Variants in OR8B3 observed in about 807,000 individuals in gnomAD.
OR8B3 encodes the protein olfactory receptor family 8 subfamily B member 3, also known as olfactory receptor 8B3.
For synonymous variants in OR8B3, 102 were observed against 135.4 expected (o/e 0.75, Z 1.71); for missense variants, 278 against 377.6 (o/e 0.74, Z 2.19).
upstream of OR8B3, among the ~76,000 whole-genome samples, chr11:124,401,093 T>G (rs989028099): frequency 3.9e-5 from 6 of 152,140 alleles, no homozygotes; most frequent in Non-Finnish European, 7.4e-5. Flanking sequence ...AGAGAATACC[T>G]AAGACTGGGT....
chr11:124,408,481 T>A, the OR8B3 span, among the ~76,000 whole-genome samples: 2 of 152,232 alleles, frequency 1.3e-5, no homozygotes, highest in Non-Finnish European at 2.9e-5. Flanking sequence ...AAGTGGCTCT[T>A]TCCATGGCTG....
upstream of OR8B3, among the ~76,000 whole-genome samples, chr11:124,402,472 G>C (rs1461575421): frequency 8.5e-5 from 13 of 152,302 alleles, no homozygotes; most frequent in East Asian, 2.3e-3. Flanking sequence ...TTGATTCACA[G>C]CAGAGCCAGG....
the OR8B3 span, among the ~76,000 whole-genome samples, chr11:124,406,142 T>C: frequency 6.6e-6 from 1 of 152,242 alleles, no homozygotes; most frequent in South Asian, 2.1e-4. Context: ...AAGATATTTG[T>C]AGCAAAGTAG....
chr11:124,399,593 G>T (rs1480233128), upstream of OR8B3, among the ~76,000 whole-genome samples: 1 of 152,068 alleles, frequency 6.6e-6, no homozygotes. Context: ...TTGTGAGAAG[G>T]CATCTATTTT....
the OR8B3 span, among the ~76,000 whole-genome samples, chr11:124,407,871 C>T: frequency 1.3e-5 from 2 of 152,130 alleles, no homozygotes; most frequent in African/African-American, 2.4e-5. Flanking sequence ...ATTAAATCTA[C>T]AGATCTAATA....
Position 124,397,066 on chromosome 11 carries a change from C to G in OR8B3, c.286G>C (p.Gly96Arg). ...VSKKNIISYV[G>R]CMTQLFFFLF... ...AAGAAAAACAGCTGAGTCATGCACC[C>G]AACATAGGAGATAATATTCTTTTTT... Residue 96 changes from glycine to arginine, a missense_variant, in exon 2 of 2, where the codon GGG becomes CGG. By Grantham distance (125) the Gly-to-Arg change is moderately radical (BLOSUM62 -2). Coordinates refer to ENST00000641139, the MANE Select transcript of OR8B3 (RefSeq NM_001005467.2). 4 of 1,613,836 alleles carry G rather than the reference C, an allele frequency of 2.5e-6. No individual in the cohort carries two copies. Among genetic ancestry groups the G allele is most frequent in the Non-Finnish European group, 2.5e-6 (3 of 1,179,862 alleles).
rs78383892 is a variant in OR8B3 at position 124,396,135 on chromosome 11, C to G, written c.*275G>C. ...TTTACCATATATGTCCAATTAAGAA[C>G]AGCCCAGGAGAGAGGAAGGATATAA... On this transcript the variant is annotated 3_prime_UTR_variant, in exon 2 of 2. Transcript: ENST00000641139. 326 of 280,374 alleles carry G rather than the reference C, an allele frequency of 1.2e-3. 2 individuals are homozygous for G. The highest frequency in any genetic ancestry group is 1.8e-3 in the Non-Finnish European group (279 of 151,592). 17.4% of individuals were successfully genotyped at this position (280,374 alleles called of 1,614,324 possible).
At chr11:124,404,285 A>G in the OR8B3 span, 1 of 152,336 alleles carries the variant, frequency 6.6e-6, no homozygotes, top group African/African-American at 2.4e-5. Flanking sequence ...TCTTCTGACA[A>G]AGATAAAAAT....
At chr11:124,405,312 C>T in the OR8B3 span, among the ~76,000 whole-genome samples, 1 of 152,006 alleles carries the variant, frequency 6.6e-6, no homozygotes, top group Admixed American at 6.5e-5. Flanking sequence ...TCTCTCCCTC[C>T]CCCAAGTCAG....
At chr11:124,399,764 C>T (rs75565645), upstream of OR8B3, among the ~76,000 whole-genome samples, 3,154 of 152,208 alleles carry the variant, frequency 0.021, 129 homozygotes, top group African/African-American at 0.072. Context: ...ATAATGTTAA[C>T]GAAACTACAG....
rs755018306 is a variant in OR8B3, at chr11:124,396,372, A to G, written c.*38T>C. On this transcript the variant is annotated 3_prime_UTR_variant, in exon 2 of 2. Coordinates refer to ENST00000641139, the MANE Select transcript of OR8B3 (RefSeq NM_001005467.2). ...TCATGGAACACACTAATAAAAATTT[A>G]AAGTTCTTCAATCGTTTTACATTAT... 2.6e-6 allele frequency: 4 copies of G among 1,529,688 alleles called. No homozygotes were observed. The highest frequency in any genetic ancestry group is 3.5e-6 in the Non-Finnish European group (4 of 1,136,300). 94.8% of individuals were successfully genotyped at this position (1,529,688 alleles called of 1,614,324 possible).
At position 124,397,194 on chromosome 11, in the gene OR8B3, G is replaced by C. The variant is rs1217133299; in HGVS notation, c.158C>G (p.Ser53Cys). The C allele has an allele frequency of 6.2e-7, 1 of 1,611,534 alleles. No individual in the cohort carries two copies. Among genetic ancestry groups the C allele is most frequent in the African/African-American group, 1.4e-5 (1 of 73,198 alleles). Residue 53 changes from serine to cysteine, a missense_variant, in exon 2 of 2, where the codon TCT becomes TGT. By Grantham distance (112) the Ser-to-Cys change is moderately radical (BLOSUM62 -1). Transcript: ENST00000641139. ...LGLIILFGLN[S>C]HLHTPMYYFL... ...ATAGTACATTGGTGTGTGGAGGTGA[G>C]AATTTAGACCGAAAAGAATGATCAA...
At chr11:124,406,390 C>T in the OR8B3 span, among the ~76,000 whole-genome samples, 3 of 152,018 alleles carry the variant, frequency 2.0e-5, no homozygotes, top group Non-Finnish European at 4.4e-5. Flanking sequence ...TCTCCTTCTC[C>T]TCATTCATAT....
At chr11:124,401,267 C>G (rs546216202), upstream of OR8B3, among the ~76,000 whole-genome samples, 15 of 103,744 alleles carry the variant, frequency 1.4e-4, no homozygotes, top group African/African-American at 6.2e-4. Flanking sequence ...TGAACTCATC[C>G]TTTTGTAAGA....
At chr11:124,404,077 C>T in the OR8B3 span, among the ~76,000 whole-genome samples, 3 of 152,104 alleles carry the variant, frequency 2.0e-5, no homozygotes, top group African/African-American at 4.8e-5. Context: ...AGTCCAGCTT[C>T]GGCTCGGCAT....
the OR8B3 span, among the ~76,000 whole-genome samples, chr11:124,409,513 C>T: frequency 2.0e-5 from 3 of 151,572 alleles, no homozygotes; most frequent in African/African-American, 4.8e-5. Context: ...TCTTCTGTTG[C>T]TTCTTCAATT....
At chr11:124,404,830 G>C in the OR8B3 span, 2 of 152,148 alleles carry the variant, frequency 1.3e-5, no homozygotes, top group African/African-American at 2.4e-5. Context: ...ATATAGCTAC[G>C]TTGGCCATCC....
At chr11:124,405,966 C>T in the OR8B3 span, among the ~76,000 whole-genome samples, 1 of 152,180 alleles carries the variant, frequency 6.6e-6, no homozygotes, top group Non-Finnish European at 1.5e-5. Flanking sequence ...CTCCCTTTGT[C>T]ACTTCCTTCA....
chr11:124,403,881 CT>C (rs1362061549), upstream of OR8B3, among the ~76,000 whole-genome samples: 2 of 152,234 alleles, frequency 1.3e-5, no homozygotes, highest in East Asian at 3.9e-4. Context: ...GAGGCCGAGG[CT>C]GGCAGATCAC....
Sources: gnomAD v4.1 joint callset for allele counts (sites outside exome capture counted in the v4.1 genomes callset) on GRCh38, gnomAD v4.1.1 for gene constraint, MANE v1.5 for transcripts, NCBI Gene and HGNC (gene_info 2026-07-23, HGNC 2026-07-21) for gene names.